The following SALL1 variants were observed in gnomAD, a reference collection of about 807,000 sequenced individuals.
SALL1 encodes the protein spalt like transcription factor 1, also known as sal-like protein 1.
In SALL1, 10 loss-of-function variants were observed where a neutral mutation model predicts 73.1. The observed-to-expected ratio is 0.14, with a 90% CI of 0.08 to 0.23. The LOEUF is 0.23. Ranked by LOEUF, SALL1 falls within the 10% of genes least tolerant of loss-of-function variation. The pLI is 1.00. For synonymous variants in SALL1, 688 were observed against 689.8 expected (o/e 1.00, Z 0.04); for missense variants, 1,520 against 1,697.3 (o/e 0.90, Z 1.84).
rs1166463391 is a variant in SALL1 at position 51,138,563 on chromosome 16, G to A, written c.3534+125C>T. On this transcript the variant is annotated intron_variant, in intron 2 of 2. Transcript: ENST00000251020. ...CTCCCCCGTCAACCATGTGCAGCAG[G>A]TTCCCTTGCAAGAGCTCTCTCCCTG... The A allele has an allele frequency of 4.8e-6, 6 of 1,259,350 alleles. No individual in the cohort carries two copies. The African/African-American group carries it at 6.0e-5, about 13-fold the overall frequency. 78.0% of individuals were successfully genotyped at this position (1,259,350 alleles called of 1,614,324 possible).
At position 51,139,529 on chromosome 16, in the gene SALL1, A is replaced by G; in HGVS notation, c.2693T>C (p.Leu898Pro). Residue 898 changes from leucine to proline, a missense_variant, in exon 2 of 3, where the codon CTG becomes CCG. Transcript: ENST00000251020. ...ACCCACTGAGGATGAATCATTGGTC[A>G]GGACATCCCCCTCGATGGACCCATT... ...VENGSIEGDV[L>P]TNDSSSVGGD... 2 of 1,614,216 alleles carry G rather than the reference A, an allele frequency of 1.2e-6. No homozygotes were observed. Among genetic ancestry groups the G allele is most frequent in the South Asian group, 2.2e-5 (2 of 91,078 alleles).
Position 51,138,992 on chromosome 16 carries a change from G to T in SALL1, c.3230C>A (p.Pro1077His). The T allele has an allele frequency of 6.2e-7, 1 of 1,614,192 alleles. No homozygotes were observed. The highest frequency in any genetic ancestry group is 2.2e-5 in the East Asian group (1 of 44,876). Residue 1077 changes from proline (P) to histidine (H), a missense_variant, in exon 2 of 3, where the codon CCC becomes CAC. By Grantham distance (77) the Pro-to-His change is moderately conservative. Coordinates refer to ENST00000251020, the MANE Select transcript of SALL1 (RefSeq NM_002968.3). ...GATGAGAGATGACAACGAGTTGGCG[G>T]GAATCACCGCTGAGTTCTGATTGGG... ...LGPNQNSAVI[P>H]ANSLSSLIKT...
At position 51,140,069 on chromosome 16, in the gene SALL1, T is replaced by G. The variant is rs1331042469; in HGVS notation, c.2153A>C (p.Gln718Pro). Residue 718 changes from glutamine (Q) to proline (P), a missense_variant, in exon 2 of 3, where the codon CAG (glutamine) becomes CCG (proline). Gln to Pro is a moderately conservative substitution (Grantham distance 76). Coordinates refer to ENST00000251020, the MANE Select transcript of SALL1 (RefSeq NM_002968.3). This position sits in a 1 kb window ranked among gnomAD's most constrained non-coding sequence, Gnocchi z 5.7. ...CIICHRVLSCQSALKMHYRTH... is the reference protein window; with the variant it reads ...CIICHRVLSCPSALKMHYRTH... The stretch of plus-strand genomic sequence containing the variant: ...CCTGTAGTGCATTTTCAAGGCGCTC[T>G]GGCAGCTGAGAACCCGGTGGCAGAT... 2 of 1,614,246 alleles carry G rather than the reference T, an allele frequency of 1.2e-6. No homozygotes were observed. Among genetic ancestry groups the G allele is most frequent in the Admixed American group, 1.7e-5 (1 of 60,032 alleles).
chr16:51,142,096 G>C lies in SALL1; in HGVS notation c.126C>G (p.Ala42=). Residue 42 remains alanine, a synonymous_variant, in exon 2 of 3, where the codon GCC becomes GCG. Transcript: ENST00000251020. ...CGGCACAGCACCGGCCACAGACGTG[G>C]GCATCCTTGCTCTTAGTAGGGCGAC... ...QPSRPTKSKD[A]HVCGRCCAEF... 1 of 1,613,700 alleles carries C rather than the reference G, an allele frequency of 6.2e-7. No homozygotes were observed. Among genetic ancestry groups the C allele is most frequent in the Non-Finnish European group, 8.5e-7 (1 of 1,180,014 alleles).
chr16:51,149,471 G>C (rs879738898), intron 1 of SALL1: 1 of 152,190 alleles, frequency 6.6e-6, no homozygotes, highest in African/African-American at 2.4e-5. Flanking sequence ...ACTCGGCGCA[G>C]CTGCTGCGGC....
At position 51,138,868 on chromosome 16, in the gene SALL1, T is replaced by A; in HGVS notation, c.3354A>T (p.Thr1118=). The part of the protein sequence containing the change: ...VPSGPLSSSA[T]SPVLLPALPR... ...GCAGAGCAGGGAGCAGAACTGGGGATGTGGCAGAGGAAGACAGAGGCCCAG... is the reference window on the plus strand; with the variant it reads ...GCAGAGCAGGGAGCAGAACTGGGGAAGTGGCAGAGGAAGACAGAGGCCCAG... Residue 1118 remains threonine (T), a synonymous_variant, in exon 2 of 3, where the codon ACA becomes ACT. Coordinates refer to ENST00000251020, the MANE Select transcript of SALL1 (RefSeq NM_002968.3). The A allele has an allele frequency of 6.2e-7, 1 of 1,614,176 alleles. No individual in the cohort carries two copies. Among genetic ancestry groups the A allele is most frequent in the Non-Finnish European group, 8.5e-7 (1 of 1,180,040 alleles).
In SALL1 at chr16:51,139,730, T is replaced by G. The variant is rs146803966; in HGVS notation, c.2492A>C (p.Asp831Ala). The G allele has an allele frequency of 1.6e-5, 26 of 1,614,212 alleles. No homozygotes were observed. Among genetic ancestry groups the G allele is most frequent in the Non-Finnish European group, 2.2e-5 (26 of 1,180,034 alleles). Residue 831 changes from aspartate (D) to alanine (A), a missense_variant, in exon 2 of 3, where the codon GAC (aspartate) becomes GCC (alanine). Around this residue, in one of 7 missense-constraint regions of SALL1, gnomAD observed 266 missense variants for 275.1 expected, o/e 0.97. Coordinates refer to ENST00000251020, the MANE Select transcript of SALL1 (RefSeq NM_002968.3). ...ATCAGGGATGCTGCCCTCAGGACAGTCTTCCATGTTTTCATCAGAGAAGTT... is the reference window on the plus strand; with the variant it reads ...ATCAGGGATGCTGCCCTCAGGACAGGCTTCCATGTTTTCATCAGAGAAGTT... ...LDNFSDENME[D>A]CPEGSIPDTP...
chr16:51,145,208 A>T (rs369668328), intron 1 of SALL1, among the ~76,000 whole-genome samples: 2 of 43,574 alleles, frequency 4.6e-5, no homozygotes, highest in Non-Finnish European at 5.9e-5. Context: ...TCTCTCTCTC[A>T]CACACACATA....
chr16:51,151,482 G>A (rs1359154350), upstream of SALL1: 1 of 174,018 alleles, frequency 5.7e-6, no homozygotes, highest in African/African-American at 2.4e-5. Flanking sequence ...CACCGGGCCA[G>A]CGCTATTCAA....
chr16:51,136,797 A>T lies in SALL1; in HGVS notation c.*315T>A. On this transcript the variant is annotated 3_prime_UTR_variant, in exon 3 of 3. Coordinates refer to ENST00000251020, the MANE Select transcript of SALL1 (RefSeq NM_002968.3). ...TAATGCCAGATTACAACTGCCTAGC[A>T]GGGCAACTTGCAATTGCCATAAATG... 1 of 388,406 alleles carries T rather than the reference A, an allele frequency of 2.6e-6. No homozygotes were observed. The highest frequency in any genetic ancestry group is 4.8e-6 in the Non-Finnish European group (1 of 208,218). 24.1% of individuals were successfully genotyped at this position (388,406 alleles called of 1,614,324 possible). A position where few individuals can be genotyped will look rare whatever the true frequency, so the allele number is the denominator to read the frequency against.
At chr16:51,151,341 CGCCCGCCGGCCCGCCCG>C, upstream of SALL1, 2 of 772,558 alleles carry the variant, frequency 2.6e-6, no homozygotes, top group Non-Finnish European at 1.8e-6. Context: ...CGGCTCCCCC[CGCCCGCCGGCCCGCCCG>C]CCCCCTCCCC....
chr16:51,141,524 A>G lies in SALL1; in HGVS notation c.698T>C (p.Leu233Pro). 1 of 1,613,764 alleles carries G rather than the reference A, an allele frequency of 6.2e-7. No homozygotes were observed. The change falls in exon 2 of 3, where the codon CTC becomes CCC. Residue 233 changes from leucine to proline, a missense_variant. Around this residue, in one of 7 missense-constraint regions of SALL1, gnomAD observed 540 missense variants for 567.5 expected, o/e 0.95. Transcript: ENST00000251020. This position sits in a 1 kb window ranked among gnomAD's most constrained non-coding sequence, Gnocchi z 5.4. ...GATCTGCTGCTGCTGCAGAGCTAGG[A>G]GTTGTTCCATGAGGGCTGGGACGGC... Reference protein sequence around the residue: ...KLAVPALMEQLLALQQQQIHQ... With the variant: ...KLAVPALMEQPLALQQQQIHQ...
chr16:51,137,517 A>G lies in SALL1; in HGVS notation c.3570T>C (p.Pro1190=). Residue 1190 remains proline, a synonymous_variant, in exon 3 of 3, where the codon CCT becomes CCC. Transcript: ENST00000251020. The part of the protein sequence containing the change: ...HMGTHMWNST[P]ARRGRRLSVD... The stretch of plus-strand genomic sequence containing the variant: ...CAGAGAGCCGCCGACCCCGTCGTGC[A>G]GGGGTGCTATTCCACATGTGAGTGC... 1 of 1,608,398 alleles carries G rather than the reference A, an allele frequency of 6.2e-7. No homozygotes were observed.
chr16:51,151,613 A>C (rs1031373128), upstream of SALL1, among the ~76,000 whole-genome samples: 3 of 150,240 alleles, frequency 2.0e-5, no homozygotes, highest in African/African-American at 7.4e-5. Flanking sequence ...CACTGGGTTA[A>C]CCCTCTTTGC....
rs774208151 is a variant in SALL1 at position 51,141,020 on chromosome 16, A to C, written c.1202T>G (p.Val401Gly). ...GATGTTGGGCAAAGGGCTGGGGAAAACCGAGTTAGCGGAGGCTTGCTGAGG... is the reference window on the plus strand; with the variant it reads ...GATGTTGGGCAAAGGGCTGGGGAAACCCGAGTTAGCGGAGGCTTGCTGAGG... ...LLPQQASANSVFPSPLPNIGT... is the reference protein window; with the variant it reads ...LLPQQASANSGFPSPLPNIGT... Residue 401 changes from valine to glycine, a missense_variant, in exon 2 of 3, where the codon GTT becomes GGT. Physicochemically the swap from Val to Gly is moderately radical, Grantham distance 109 (BLOSUM62 -3). Coordinates refer to ENST00000251020, the MANE Select transcript of SALL1 (RefSeq NM_002968.3). This position sits in a 1 kb window ranked among gnomAD's most constrained non-coding sequence, Gnocchi z 5.4. 3 of 1,614,070 alleles carry C rather than the reference A, an allele frequency of 1.9e-6. No homozygotes were observed. The African/African-American group carries it at 4.0e-5, about 22-fold the overall frequency.
chr16:51,150,408 C>T (rs1465768992), intron 1 of SALL1: 3 of 985,562 alleles, frequency 3.0e-6, no homozygotes, highest in Non-Finnish European at 3.6e-6. Flanking sequence ...GCAGAGGGTG[C>T]AAGTGTTGTG....
chr16:51,143,101 G>T (rs1962468754), intron 1 of SALL1: 1 of 160,866 alleles, frequency 6.2e-6, no homozygotes, highest in South Asian at 1.5e-4. Context: ...AATAATTCTT[G>T]GTTTAGAGTT....
intron 1 of SALL1, 133 bp from the exon 2 acceptor site, chr16:51,142,278 A>G: frequency 1.4e-6 from 1 of 711,204 alleles, no homozygotes; most frequent in Admixed American, 2.3e-5. Flanking sequence ...AAAACCAATC[A>G]ATATTACCTA....
chr16:51,137,183 TTG>T lies in SALL1; in HGVS notation c.3902_3903del (p.Ala1301GlufsTer3). On this transcript the variant is annotated frameshift_variant, in exon 3 of 3. Transcript: ENST00000251020. LOFTEE classifies it high-confidence loss of function. ...NAPLAGLEKM[A>X]SSENGTNFRF... ...CGGAAGTTGGTTCCGTTCTCACTGC[TTG>T]CCATTTTCTCCAGGCCGGCCAGGGG... 6.2e-7 allele frequency: 1 copy of T among 1,614,160 alleles called. No homozygotes were observed. Among genetic ancestry groups the T allele is most frequent in the Non-Finnish European group, 8.5e-7 (1 of 1,180,046 alleles).
Sources: gnomAD v4.1 joint callset for allele counts (sites outside exome capture counted in the v4.1 genomes callset) on GRCh38, gnomAD v4.1.1 for gene constraint, gnomAD v4.1.1 regional missense constraint, Gnocchi (gnomAD v3.1) non-coding constraint, MANE v1.5 for transcripts, NCBI Gene and HGNC (gene_info 2026-07-23, HGNC 2026-07-21) for gene names.